Variants in MRPL54 observed in about 807,000 individuals in gnomAD.
MRPL54 encodes the protein mitochondrial ribosomal protein L54.
MRPL54 carries 12 observed loss-of-function variants against 15.6 expected under a neutral mutation model. That is an observed-to-expected ratio of 0.77 (90% confidence interval 0.49 to 1.24). MRPL54 has a LOEUF of 1.24. Ranked by LOEUF, MRPL54 falls within the 50% of genes most tolerant of loss-of-function variation. The pLI, the probability that MRPL54 is intolerant of heterozygous loss-of-function variation, is 0.00. For missense variants in MRPL54, 178 were observed against 186.8 expected (o/e 0.95, Z 0.28); for synonymous variants, 91 against 75.7 (o/e 1.20, Z -1.05).
At chr19:3,766,841 A>G (rs941042471) in intron 2 of MRPL54, among the ~76,000 whole-genome samples, 1 of 152,320 alleles carries the variant, frequency 6.6e-6, no homozygotes, top group Middle Eastern at 3.4e-3. Flanking sequence ...TGCTGGAGGA[A>G]CAGCGGGGAG....
At chr19:3,763,525 G>A (rs1318408684) in intron 1 of MRPL54, among the ~76,000 whole-genome samples, 1 of 151,854 alleles carries the variant, frequency 6.6e-6, no homozygotes, top group Non-Finnish European at 1.5e-5. Context: ...CTTTATTCCC[G>A]GCACTTTGGG....
At chr19:3,762,942 G>C in intron 1 of MRPL54, 124 bp downstream of exon 1, 1 of 807,182 alleles carries the variant, frequency 1.2e-6, no homozygotes, top group Non-Finnish European at 1.9e-6. Flanking sequence ...CGGATGCCAG[G>C]CTGTATGCGC....
In MRPL54 at chr19:3,767,529, C is replaced by T. The variant is rs2037209020; in HGVS notation, c.*136C>T. 2 of 1,238,002 alleles carry T rather than the reference C, an allele frequency of 1.6e-6. No individual in the cohort carries two copies. The highest frequency in any genetic ancestry group is 2.2e-6 in the Non-Finnish European group (2 of 903,786). The allele number at this position is 1,238,002 out of a possible 1,614,324, so 76.7% of individuals were successfully genotyped here. On this transcript the variant is annotated 3_prime_UTR_variant, in exon 3 of 3. Transcript: ENST00000330133. ...CCCCACAGTGGGGCTGGACCAGGGC[C>T]CTGGAGGCCAATAAAGAGCTTTCTG...
At chr19:3,763,288 G>T (rs1046363189) in intron 1 of MRPL54, among the ~76,000 whole-genome samples, 1 of 152,182 alleles carries the variant, frequency 6.6e-6, no homozygotes, top group African/African-American at 2.4e-5. Context: ...GGTTATTAAG[G>T]TTTAGCTGGA....
At position 3,762,857 on chromosome 19, in the gene MRPL54, T is replaced by C. The variant is rs202075618; in HGVS notation, c.118+39T>C. On this transcript the variant is annotated intron_variant, in intron 1 of 2. Transcript: ENST00000330133. ...AGAGGAACCAAATGGGGACGGTGGG[T>C]GCACTGAGGAATTGACAGTGCGCAG... 3.3e-4 allele frequency: 479 copies of C among 1,449,786 alleles called. 2 individuals carry two copies. In the African/African-American group the frequency reaches 6.2e-3, roughly 19 times the overall value. 89.8% of individuals were successfully genotyped at this position (1,449,786 alleles called of 1,614,324 possible).
chr19:3,765,911 AAAAT>A (rs1398968098), intron 2 of MRPL54, among the ~76,000 whole-genome samples: 2 of 126,042 alleles, frequency 1.6e-5, no homozygotes, highest in African/African-American at 2.9e-5. Flanking sequence ...AAAAAAAAAA[AAAAT>A]TTTTTTTTTT....
At position 3,762,739 on chromosome 19, in the gene MRPL54, G is replaced by A; in HGVS notation, c.39G>A (p.Trp13Ter). 6.2e-7 allele frequency: 1 copy of A among 1,611,380 alleles called. No homozygotes were observed. ...GCCTTTTCGGGGCTACCCGGACGTG[G>A]GCCGGCTGGGGGGCCTGGGAGCTCC... The part of the protein sequence containing the change: ...TKRLFGATRT[W>*]AGWGAWELLN... The change falls in exon 1 of 3, where the codon TGG (tryptophan) becomes TGA (stop). Residue 13 changes from tryptophan (W) to a stop codon, truncating the protein, a stop_gained. Coordinates refer to ENST00000330133, the MANE Select transcript of MRPL54 (RefSeq NM_172251.3). LOFTEE classifies it high-confidence loss of function.
chr19:3,762,705 C>T lies in MRPL54; in HGVS notation c.5C>T (p.Ala2Val), dbSNP rs748421380. M[A>V]TKRLFGATRT... is the part of the protein sequence containing the mutation. ...GCAAGCTGCCCGCAATACGTCATGG[C>T]GACCAAACGCCTTTTCGGGGCTACC... The change falls in exon 1 of 3, where the codon GCG becomes GTG. Residue 2 changes from alanine to valine, a missense_variant. Ala to Val is a moderately conservative substitution (Grantham distance 64, BLOSUM62 0). Coordinates refer to ENST00000330133, the MANE Select transcript of MRPL54 (RefSeq NM_172251.3). 5 of 1,611,052 alleles carry T rather than the reference C, an allele frequency of 3.1e-6. No individual in the cohort carries two copies. Among genetic ancestry groups the T allele is most frequent in the Middle Eastern group, 1.7e-4 (1 of 5,982 alleles).
rs375801640 is a variant in MRPL54, at chr19:3,767,424, G to T, written c.*31G>T. On this transcript the variant is annotated 3_prime_UTR_variant, in exon 3 of 3. Transcript: ENST00000330133. ...AGGGCCCGGCATCGCTGACCCCCAC[G>T]CCGAGGGCTTGCCGTTTTCCCGGAG... is the stretch of plus-strand genomic sequence containing the variant. 5.0e-6 allele frequency: 8 copies of T among 1,597,206 alleles called. No homozygotes were observed. In the South Asian group the frequency reaches 6.7e-5, roughly 13 times the overall value.
At chr19:3,766,147 G>A (rs1279097449) in intron 2 of MRPL54, among the ~76,000 whole-genome samples, 9 of 151,226 alleles carry the variant, frequency 6.0e-5, no homozygotes. Flanking sequence ...TGTGATCTTG[G>A]CTCACTGCAA....
intron 2 of MRPL54, 151 bp from the exon 3 acceptor site, chr19:3,767,110 C>A: frequency 1.0e-6 from 1 of 990,974 alleles, no homozygotes; most frequent in Non-Finnish European, 1.4e-6. Context: ...ACCCACCCAG[C>A]CCAGGGTCGG....
intron 2 of MRPL54, among the ~76,000 whole-genome samples, chr19:3,766,115 C>G (rs1014323480): frequency 6.9e-6 from 1 of 144,668 alleles, no homozygotes; most frequent in Non-Finnish European, 1.5e-5. Flanking sequence ...TTGCTCTTGT[C>G]GCCCAGGCTG....
intron 1 of MRPL54, among the ~76,000 whole-genome samples, chr19:3,763,881 C>T (rs930311312): frequency 2.6e-5 from 4 of 151,656 alleles, no homozygotes; most frequent in Non-Finnish European, 5.9e-5. Context: ...CACTGCACTC[C>T]AGCCTGGGCG....
chr19:3,762,870 T>G (rs1363833458), intron 1 of MRPL54, 52 bp downstream of exon 1: 2 of 1,368,986 alleles, frequency 1.5e-6, no homozygotes, highest in Non-Finnish European at 2.0e-6. Flanking sequence ...ACTGAGGAAT[T>G]GACAGTGCGC....
At chr19:3,764,266 G>A (rs1189100394) in intron 1 of MRPL54, among the ~76,000 whole-genome samples, 3 of 150,874 alleles carry the variant, frequency 2.0e-5, no homozygotes, top group Non-Finnish European at 3.0e-5. Flanking sequence ...TGTATTTTTA[G>A]TAGAGATGGA....
At position 3,762,694 on chromosome 19, in the gene MRPL54, A is replaced by G; in HGVS notation, c.-7A>G. The G allele has an allele frequency of 6.2e-7, 1 of 1,610,808 alleles. No homozygotes were observed. Among genetic ancestry groups the G allele is most frequent in the Non-Finnish European group, 8.5e-7 (1 of 1,178,630 alleles). The stretch of plus-strand genomic sequence containing the variant: ...AACGTGCACTTGCAAGCTGCCCGCA[A>G]TACGTCATGGCGACCAAACGCCTTT... On this transcript the variant is annotated 5_prime_UTR_variant, in exon 1 of 3. Transcript: ENST00000330133.
At chr19:3,763,368 A>C (rs1296626273) in intron 1 of MRPL54, among the ~76,000 whole-genome samples, 4 of 152,222 alleles carry the variant, frequency 2.6e-5, no homozygotes, top group African/African-American at 9.6e-5. Flanking sequence ...AGACAGACAC[A>C]TAGCAGACAA....
chr19:3,767,164 C>A, intron 2 of MRPL54, 97 bp from the exon 3 acceptor site: 17 of 1,434,858 alleles, frequency 1.2e-5, no homozygotes, highest in Non-Finnish European at 1.6e-5. Context: ...GTGGGCCTGG[C>A]ACCCAGCCCC....
chr19:3,766,704 G>A (rs79517121), intron 2 of MRPL54, among the ~76,000 whole-genome samples: 2,679 of 152,320 alleles, frequency 0.018, 76 homozygotes, highest in African/African-American at 0.06. Flanking sequence ...GGACAGAGCC[G>A]GGGTGTTTGG....
Sources: gnomAD v4.1 joint callset for allele counts (sites outside exome capture counted in the v4.1 genomes callset) on GRCh38, gnomAD v4.1.1 for gene constraint, MANE v1.5 for transcripts, NCBI Gene and HGNC (gene_info 2026-07-23, HGNC 2026-07-21) for gene names.